Variants in COL5A1 observed in about 807,000 individuals in gnomAD.
COL5A1 encodes collagen type V alpha 1 chain.
A neutral mutation model predicts 263.7 loss-of-function variants in COL5A1; 16 were observed. The observed-to-expected ratio is 0.06, with a 90% CI of 0.04 to 0.09. The LOEUF (loss-of-function observed/expected upper bound fraction) is 0.09, where lower values mean the gene tolerates loss of function less well. COL5A1 is among the 10% of genes least tolerant of loss of function. COL5A1 has a pLI of 1.00. For synonymous variants in COL5A1, 1,012 were observed against 1,004.5 expected, an observed-to-expected ratio of 1.01 and a Z score of -0.14; for missense variants, 2,036 against 2,540.5, an observed-to-expected ratio of 0.80 and a Z score of 4.27.
chr9:134,699,005 G>A (rs4607695), intron 2 of COL5A1, among the ~76,000 whole-genome samples: 23,529 of 152,258 alleles, frequency 0.15, 1,929 homozygotes, highest in African/African-American at 0.22. Flanking sequence ...CACAGCCTTA[G>A]GCCCAGCACT....
chr9:134,710,913 A>AG (rs1463172981), intron 4 of COL5A1, among the ~76,000 whole-genome samples: 1 of 36,462 alleles, frequency 2.7e-5, no homozygotes, highest in Non-Finnish European at 5.1e-5. Flanking sequence ...GTGGTGGGGG[A>AG]GGGGCCCCGT....
At position 134,696,061 on chromosome 9, in the gene COL5A1, G is replaced by A. The variant is rs116457284; in HGVS notation, c.278-3848G>A. On this transcript the variant is annotated intron_variant, in intron 2 of 65. Transcript: ENST00000371817. This position sits in a 1 kb window ranked among gnomAD's most constrained non-coding sequence, Gnocchi z 4.3. ...CCAGGGTCCAGCTGAAACCTCAGCC[G>A]CCCCCCAGGTTCCTGGCCCCCTGTC... Among the ~76,000 whole-genome samples the A allele has an allele frequency of 2.0e-5, 3 of 151,984 alleles. No homozygotes were observed. The highest frequency in any genetic ancestry group is 6.6e-5 in the Admixed American group (1 of 15,266).
At position 134,682,356 on chromosome 9, in the gene COL5A1, G is replaced by A. The variant is rs1421371641; in HGVS notation, c.110-8556G>A. ...CACCCAAGAGCTGCGGCTTCCTTTAGCCACCACAGCGGGCATGGGGAGGGG... is the reference window on the plus strand; with the variant it reads ...CACCCAAGAGCTGCGGCTTCCTTTAACCACCACAGCGGGCATGGGGAGGGG... On this transcript the variant is annotated intron_variant, in intron 1 of 65. Transcript: ENST00000371817. The surrounding 1 kb of genome is among the most constrained non-coding windows in gnomAD (Gnocchi z 5.1). Among the ~76,000 whole-genome samples, 3 of 152,172 alleles carry A rather than the reference G, an allele frequency of 2.0e-5. No individual in the cohort carries two copies. The highest frequency in any genetic ancestry group is 7.2e-5 in the African/African-American group (3 of 41,436).
intron 4 of COL5A1, among the ~76,000 whole-genome samples, chr9:134,720,521 G>A (rs188496058): frequency 3.9e-5 from 6 of 152,336 alleles, no homozygotes; most frequent in Non-Finnish European, 8.8e-5. Context: ...GACAGTGTGC[G>A]CCAGATTATG....
At position 134,811,532 on chromosome 9, in the gene COL5A1, T is replaced by G. The variant is rs1465499093; in HGVS notation, c.3623T>G (p.Leu1208Arg). 1 of 1,599,710 alleles carries G rather than the reference T, an allele frequency of 6.3e-7. No individual in the cohort carries two copies. The highest frequency in any genetic ancestry group is 1.1e-5 in the South Asian group (1 of 89,782). The change falls in exon 46 of 66, where the codon CTT becomes CGT. Residue 1208 changes from leucine (L) to arginine (R), a missense_variant. Physicochemically the swap from Leu to Arg is moderately radical, Grantham distance 102. Transcript: ENST00000371817. ...GEPGPRGQQG[L>R]FGQKGDEGPR... The stretch of plus-strand genomic sequence containing the variant: ...CCGGGGCCTCGGGGCCAGCAGGGCC[T>G]TTTCGGGCAGAAAGGTGATGAAGGT...
At chr9:134,774,074 C>T (rs892519628) in intron 26 of COL5A1, among the ~76,000 whole-genome samples, 29 of 152,356 alleles carry the variant, frequency 1.9e-4, no homozygotes, top group African/African-American at 5.8e-4. Context: ...TTGGAGCCCA[C>T]AGCACAGGCC....
At chr9:134,669,596 A>C (rs1832479538) in intron 1 of COL5A1, among the ~76,000 whole-genome samples, 3 of 152,050 alleles carry the variant, frequency 2.0e-5, no homozygotes, top group Admixed American at 2.0e-4. Flanking sequence ...TAGATTCTCA[A>C]GCTGTTTTGT....
chr9:134,790,341 C>CTAT (rs1837626016), intron 32 of COL5A1, among the ~76,000 whole-genome samples: 2 of 129,192 alleles, frequency 1.5e-5, no homozygotes, highest in African/African-American at 2.9e-5. Flanking sequence ...CATCCATCCA[C>CTAT]CCACCCACCA....
intron 31 of COL5A1, among the ~76,000 whole-genome samples, chr9:134,786,501 T>G (rs1837464520): frequency 6.6e-6 from 1 of 152,220 alleles, no homozygotes; most frequent in Admixed American, 6.5e-5. Context: ...CACCTGTTGC[T>G]TGGCTGGTGG....
intron 27 of COL5A1, among the ~76,000 whole-genome samples, chr9:134,775,701 C>T (rs985578768): frequency 1.3e-5 from 2 of 152,212 alleles, no homozygotes; most frequent in Non-Finnish European, 2.9e-5. Context: ...ATCTTAAAGG[C>T]TCATGATGAT....
rs904514528 is a variant in COL5A1, at chr9:134,821,562, T to C, written c.4555-535T>C. Among the ~76,000 whole-genome samples, 1 of 152,102 alleles carries C rather than the reference T, an allele frequency of 6.6e-6. No individual in the cohort carries two copies. The highest frequency in any genetic ancestry group is 2.4e-5 in the African/African-American group (1 of 41,424). On this transcript the variant is annotated intron_variant, in intron 58 of 65. Transcript: ENST00000371817. The surrounding 1 kb of genome is among the most constrained non-coding windows in gnomAD (Gnocchi z 4.2). ...AAGCTGTTCTGTGCCAGCAGCTCAG[T>C]CTGGGAGGGAGTCAGTGGGGAGAAG...
At chr9:134,740,758 C>G (rs368881878) in intron 11 of COL5A1, among the ~76,000 whole-genome samples, 1 of 152,118 alleles carries the variant, frequency 6.6e-6, no homozygotes, top group Non-Finnish European at 1.5e-5. Flanking sequence ...GTGGGTGGCC[C>G]TGCCAGTGCC....
intron 18 of COL5A1, among the ~76,000 whole-genome samples, chr9:134,760,688 C>T (rs1193527130): frequency 2.9e-5 from 4 of 139,450 alleles, no homozygotes; most frequent in Non-Finnish European, 6.2e-5. Context: ...CCCCCACACT[C>T]ATACATGCAC....
intron 22 of COL5A1, 107 bp from the exon 23 acceptor site, chr9:134,766,893 G>A (rs1836689721): frequency 3.7e-6 from 4 of 1,089,460 alleles, no homozygotes; most frequent in Non-Finnish European, 5.5e-6. Flanking sequence ...TTAGGCAGTG[G>A]GGAGCAGTTT....
intron 63 of COL5A1, among the ~76,000 whole-genome samples, chr9:134,829,549 C>T (rs187342036): frequency 0.013 from 1,911 of 147,668 alleles, 5 homozygotes; most frequent in African/African-American, 0.034. Flanking sequence ...ACGCAGCCTC[C>T]GGTCTCCCCG....
chr9:134,698,090 A>C (rs1833544991), intron 2 of COL5A1, among the ~76,000 whole-genome samples: 1 of 152,118 alleles, frequency 6.6e-6, no homozygotes. Flanking sequence ...TCTCAAAAAA[A>C]CCCCACAAAA....
chr9:134,699,339 A>T (rs1008137433), intron 2 of COL5A1, among the ~76,000 whole-genome samples: 1 of 152,170 alleles, frequency 6.6e-6, no homozygotes, highest in Non-Finnish European at 1.5e-5. Context: ...AATTCTTTTG[A>T]TGAATTTCCA....
intron 31 of COL5A1, among the ~76,000 whole-genome samples, chr9:134,788,710 T>C (rs988758709): frequency 6.7e-6 from 1 of 149,402 alleles, no homozygotes; most frequent in South Asian, 2.1e-4. Flanking sequence ...GGTAAACAGG[T>C]GTATGAATGG....
intron 1 of COL5A1, among the ~76,000 whole-genome samples, chr9:134,675,427 A>C (rs1245254692): frequency 6.6e-6 from 1 of 152,228 alleles, no homozygotes; most frequent in African/African-American, 2.4e-5. Context: ...TACTAGTAAC[A>C]TCGAATGTTA....
Sources: allele counts gnomAD v4.1 joint callset (sites outside exome capture counted in the v4.1 genomes callset), GRCh38; gene constraint gnomAD v4.1.1; non-coding constraint Gnocchi (gnomAD v3.1); transcripts MANE v1.5; gene names NCBI Gene and HGNC (gene_info 2026-07-23, HGNC 2026-07-21).